Variants in TOP6BL observed in about 807,000 individuals in gnomAD.
TOP6BL encodes TOP6B like initiator of meiotic double strand breaks.
At chr11:66,840,992 G>A in the TOP6BL span, among the ~76,000 whole-genome samples, 6 of 151,922 alleles carry the variant, frequency 3.9e-5, no homozygotes, top group South Asian at 4.1e-4. Flanking sequence ...GCAGCTCCTC[G>A]TGGAGGTCCC....
At chr11:66,828,961 T>C in the TOP6BL span, among the ~76,000 whole-genome samples, 1 of 148,988 alleles carries the variant, frequency 6.7e-6, no homozygotes, top group Non-Finnish European at 1.5e-5. Flanking sequence ...GATAAAAGTG[T>C]GTGTGTGTTT....
chr11:66,751,153 C>T, the TOP6BL span, among the ~76,000 whole-genome samples: 1 of 151,990 alleles, frequency 6.6e-6, no homozygotes, highest in African/African-American at 2.4e-5. Flanking sequence ...GTAGCTGGGA[C>T]TACAGGCATG....
the TOP6BL span, chr11:66,842,765 C>T: frequency 4.5e-6 from 6 of 1,346,624 alleles, no homozygotes; most frequent in Non-Finnish European, 6.0e-6. Flanking sequence ...CCTCGGCGCC[C>T]GTTCTCCCAG....
At chr11:66,843,474 G>T in the TOP6BL span, 5 of 1,443,344 alleles carry the variant, frequency 3.5e-6, no homozygotes, top group Admixed American at 6.1e-5. Flanking sequence ...GCTGGGCGGG[G>T]ATGGGCTGCG....
the TOP6BL span, among the ~76,000 whole-genome samples, chr11:66,784,981 A>G: frequency 2.3e-4 from 22 of 97,114 alleles, no homozygotes; most frequent in African/African-American, 9.3e-4. Flanking sequence ...TTTTTTTGAG[A>G]GTCTCGCTCT....
the TOP6BL span, chr11:66,748,333 G>T: frequency 5.6e-6 from 8 of 1,430,340 alleles, no homozygotes; most frequent in Admixed American, 9.0e-5. Context: ...TTATTACTGT[G>T]ATTTCTAAAG....
chr11:66,816,120 T>A, the TOP6BL span: 1 of 1,605,910 alleles, frequency 6.2e-7, no homozygotes. Flanking sequence ...AGACTATGGA[T>A]CCTCAAGGAC....
chr11:66,777,087 C>T, the TOP6BL span, among the ~76,000 whole-genome samples: 1 of 145,482 alleles, frequency 6.9e-6, no homozygotes, highest in African/African-American at 2.5e-5. Context: ...CTATATATAT[C>T]TATATATCTA....
the TOP6BL span, chr11:66,748,656 TAA>T: frequency 1.4e-6 from 1 of 701,132 alleles, no homozygotes; most frequent in Non-Finnish European, 2.2e-6. Flanking sequence ...GATTATGTAA[TAA>T]GTGTCTGGTG....
At chr11:66,837,109 T>C in the TOP6BL span, among the ~76,000 whole-genome samples, 6 of 152,044 alleles carry the variant, frequency 3.9e-5, no homozygotes, top group Non-Finnish European at 7.4e-5. Flanking sequence ...CTTTTGTTCA[T>C]AGGAAGCACA....
chr11:66,779,646 G>A, the TOP6BL span, among the ~76,000 whole-genome samples: 6 of 152,106 alleles, frequency 3.9e-5, no homozygotes, highest in African/African-American at 9.7e-5. Context: ...ATTTGACCCC[G>A]CCATCCCATT....
the TOP6BL span, among the ~76,000 whole-genome samples, chr11:66,779,707 G>A: frequency 2.0e-5 from 3 of 152,030 alleles, no homozygotes; most frequent in African/African-American, 4.8e-5. Flanking sequence ...AAAGACACAC[G>A]CACATGTATG....
At chr11:66,821,842 G>A in the TOP6BL span, 1 of 1,529,436 alleles carries the variant, frequency 6.5e-7, no homozygotes, top group Non-Finnish European at 8.9e-7. Context: ...GCAGGGCCCA[G>A]GAGCCCTTCC....
At chr11:66,792,972 G>A in the TOP6BL span, among the ~76,000 whole-genome samples, 2 of 152,168 alleles carry the variant, frequency 1.3e-5, no homozygotes, top group Admixed American at 6.5e-5. Context: ...AATGAAGGAT[G>A]TGACTATGAT....
the TOP6BL span, among the ~76,000 whole-genome samples, chr11:66,809,960 CA>C: frequency 6.6e-6 from 1 of 151,970 alleles, no homozygotes; most frequent in South Asian, 2.1e-4. Flanking sequence ...GATTCATGAT[CA>C]ATGAACCCTA....
chr11:66,804,085 G>A, the TOP6BL span: 5 of 1,613,786 alleles, frequency 3.1e-6, no homozygotes, highest in Non-Finnish European at 4.2e-6. Context: ...CTGAAGACGT[G>A]GCTGGCATGG....
the TOP6BL span, among the ~76,000 whole-genome samples, chr11:66,776,721 C>T: frequency 5.9e-5 from 9 of 152,012 alleles, no homozygotes; most frequent in East Asian, 1.9e-4. Flanking sequence ...AATTTGCCAG[C>T]GTGTTTGTTA....
the TOP6BL span, among the ~76,000 whole-genome samples, chr11:66,806,652 C>T: frequency 2.0e-5 from 3 of 152,060 alleles, no homozygotes; most frequent in Non-Finnish European, 4.4e-5. Flanking sequence ...ACTGTAGTCC[C>T]AGCTACTCGG....
the TOP6BL span, among the ~76,000 whole-genome samples, chr11:66,775,988 G>A: frequency 6.6e-6 from 1 of 150,918 alleles, no homozygotes; most frequent in African/African-American, 2.4e-5. Context: ...GATTCTTTTG[G>A]ATCCTCTATA....
Sources: gnomAD v4.1 joint callset for allele counts (sites outside exome capture counted in the v4.1 genomes callset) on GRCh38, gnomAD v4.1.1 for gene constraint, MANE v1.5 for transcripts, NCBI Gene and HGNC (gene_info 2026-07-23, HGNC 2026-07-21) for gene names.